TOLLIP: variants seen among roughly 807,000 people sequenced by gnomAD.
TOLLIP encodes toll interacting protein.
In TOLLIP, 16 loss-of-function variants were observed where a neutral mutation model predicts 33.5. The observed-to-expected ratio is 0.48, with a 90% confidence interval of 0.32 to 0.72. The LOEUF (loss-of-function observed/expected upper bound fraction) is 0.72. Among genes scored for constraint, TOLLIP ranks in the 30% least tolerant of loss-of-function variants. TOLLIP has a pLI of 0.03. For synonymous variants in TOLLIP, 176 were observed against 163.7 expected (o/e 1.07, Z -0.57); for missense variants, 325 against 396.6 (o/e 0.82, Z 1.53).
At position 1,309,550 on chromosome 11, in the gene TOLLIP, G is replaced by T. The variant is rs892188125; in HGVS notation, c.-52C>A. 5 of 1,189,084 alleles carry T rather than the reference G, an allele frequency of 4.2e-6. No homozygotes were observed. The highest frequency in any genetic ancestry group is 3.2e-5 in the African/African-American group (2 of 62,206). The allele number at this position is 1,189,084 out of a possible 1,614,324, so 73.7% of individuals were successfully genotyped here. ...CCGACCCGACAGTGACGCGCCGGGC[G>T]ACCTCCTGCGCCCCCGCCGGAGCCT... is the stretch of plus-strand genomic sequence containing the variant. On this transcript the variant is annotated 5_prime_UTR_variant, in exon 1 of 6. Coordinates refer to ENST00000317204, the MANE Select transcript of TOLLIP (RefSeq NM_019009.4).
Position 1,278,797 on chromosome 11 carries a change from A to G in TOLLIP, c.611-1544T>C, listed in dbSNP as rs1482597959. ...GCCAGGTGGGGACGTGGCCACCCTC[A>G]CCACCCTTTCTTCTTCCTCAAACAA... On this transcript the variant is annotated intron_variant, in intron 5 of 5. Transcript: ENST00000317204. The surrounding 1 kb of genome is among the most constrained non-coding windows in gnomAD (Gnocchi z 4.7). 6.6e-6 allele frequency among the ~76,000 whole-genome samples: 1 copy of G among 152,006 alleles called. No individual in the cohort carries two copies. The highest frequency in any genetic ancestry group is 6.5e-5 in the Admixed American group (1 of 15,272).
chr11:1,278,896 C>T lies in TOLLIP; in HGVS notation c.611-1643G>A, dbSNP rs908506410. ...GTGGCTTTTTGGGCGCCCCGGCTGG[C>T]AGGCGGGCAGGAACTTGGCCATCAC... On this transcript the variant is annotated intron_variant, in intron 5 of 5. Coordinates refer to ENST00000317204, the MANE Select transcript of TOLLIP (RefSeq NM_019009.4). The surrounding 1 kb of genome is among the most constrained non-coding windows in gnomAD (Gnocchi z 4.7). Among the ~76,000 whole-genome samples the T allele has an allele frequency of 6.6e-6, 1 of 152,220 alleles. No individual in the cohort carries two copies. Among genetic ancestry groups the T allele is most frequent in the Non-Finnish European group, 1.5e-5 (1 of 68,044 alleles).
rs533675050 is a variant in TOLLIP at position 1,278,203 on chromosome 11, T to C, written c.611-950A>G. Among the ~76,000 whole-genome samples the C allele has an allele frequency of 1.3e-5, 2 of 149,946 alleles. No homozygotes were observed. The highest frequency in any genetic ancestry group is 3.0e-5 in the Non-Finnish European group (2 of 67,640). On this transcript the variant is annotated intron_variant, in intron 5 of 5. Transcript: ENST00000317204. This position sits in a 1 kb window ranked among gnomAD's most constrained non-coding sequence, Gnocchi z 4.7. ...AGCGTGCGCGGGGCTCAGCGACCAG[T>C]GAGGCACAGAGCACAGGCAGCGTGC... is the stretch of plus-strand genomic sequence containing the variant.
chr11:1,283,472 G>A lies in TOLLIP; in HGVS notation c.610+2530C>T, dbSNP rs1265731238. On this transcript the variant is annotated intron_variant, in intron 5 of 5. Transcript: ENST00000317204. The stretch of plus-strand genomic sequence containing the variant: ...CCTGCTTATTGGAAACGCATGCCTG[G>A]GCATGGGGGCTGGGGGCTCCGGTGG... 3 of 390,472 alleles carry A rather than the reference G, an allele frequency of 7.7e-6. No homozygotes were observed. In the East Asian group the frequency reaches 2.2e-4, roughly 28 times the overall value. 24.2% of individuals were successfully genotyped at this position (390,472 alleles called of 1,614,324 possible). A position where few individuals can be genotyped will look rare whatever the true frequency, so the allele number is the denominator to read the frequency against.
chr11:1,283,793 C>A (rs948805538), intron 5 of TOLLIP, among the ~76,000 whole-genome samples: 2 of 152,214 alleles, frequency 1.3e-5, no homozygotes, highest in Non-Finnish European at 2.9e-5. Context: ...ACTGCACCCC[C>A]CAAAAAGACA....
intron 1 of TOLLIP, among the ~76,000 whole-genome samples, chr11:1,307,430 C>T (rs1282831846): frequency 2.0e-5 from 3 of 152,230 alleles, no homozygotes; most frequent in Admixed American, 6.5e-5. Flanking sequence ...CAGCGCTGCA[C>T]GCCGGTGCCC....
At chr11:1,279,023 G>A (rs1054229140) in intron 5 of TOLLIP, among the ~76,000 whole-genome samples, 3 of 152,200 alleles carry the variant, frequency 2.0e-5, no homozygotes. Flanking sequence ...GTGGCAACAT[G>A]AGGAACGGAG....
chr11:1,279,054 C>T (rs1863402548), intron 5 of TOLLIP, among the ~76,000 whole-genome samples: 1 of 152,256 alleles, frequency 6.6e-6, no homozygotes, highest in Non-Finnish European at 1.5e-5. Context: ...CCCACTCTCT[C>T]CAGCCTTTAC....
intron 1 of TOLLIP, among the ~76,000 whole-genome samples, chr11:1,299,342 C>G (rs555717418): frequency 6.6e-6 from 1 of 152,180 alleles, no homozygotes; most frequent in Admixed American, 6.5e-5. Flanking sequence ...GCAATGCCCT[C>G]GTTTCTCAAC....
rs539590395 is a variant in TOLLIP at position 1,302,591 on chromosome 11, T to C, written c.34-6797A>G. ...CAAAAGCTGGACCAGTACCTGACCC[T>C]GCAGCCCCTGGCACTCCAGCCAGCC... On this transcript the variant is annotated intron_variant, in intron 1 of 5. Coordinates refer to ENST00000317204, the MANE Select transcript of TOLLIP (RefSeq NM_019009.4). 6 of 986,818 alleles carry C rather than the reference T, an allele frequency of 6.1e-6. No homozygotes were observed. The South Asian group carries it at 1.9e-4, about 31-fold the overall frequency. 61.1% of individuals were successfully genotyped at this position (986,818 alleles called of 1,614,324 possible).
In TOLLIP at chr11:1,274,411, T is replaced by C. The variant is rs1341967189; in HGVS notation, c.*2628A>G. On this transcript the variant is annotated 3_prime_UTR_variant, in exon 6 of 6. Coordinates refer to ENST00000317204, the MANE Select transcript of TOLLIP (RefSeq NM_019009.4). ...AGGACTTTATTTCTCTATTTTTATA[T>C]GGATCATTTATTAAATTAGAAGACT... 6.6e-6 allele frequency: 1 copy of C among 152,242 alleles called. No homozygotes were observed. Among genetic ancestry groups the C allele is most frequent in the Non-Finnish European group, 1.5e-5 (1 of 68,040 alleles). 9.4% of individuals were successfully genotyped at this position (152,242 alleles called of 1,614,324 possible).
At chr11:1,306,103 GA>G (rs887101998) in intron 1 of TOLLIP, 3 of 152,160 alleles carry the variant, frequency 2.0e-5, no homozygotes, top group African/African-American at 7.2e-5. Flanking sequence ...AGACTATATT[GA>G]AAAAAGGTTA....
chr11:1,309,342 C>A, intron 1 of TOLLIP, 124 bp downstream of exon 1: 1 of 505,668 alleles, frequency 2.0e-6, no homozygotes, highest in Non-Finnish European at 2.9e-6. Flanking sequence ...GCCAGGCGCC[C>A]CGCGTGCCCC....
rs1156320340 is a variant in TOLLIP at position 1,276,913 on chromosome 11, A to C, written c.*126T>G. On this transcript the variant is annotated 3_prime_UTR_variant, in exon 6 of 6. Coordinates refer to ENST00000317204, the MANE Select transcript of TOLLIP (RefSeq NM_019009.4). ...AGAACAGGTGTGGACGGGGCGGCAC[A>C]GAAGTCCACGGGAGGGGGCGACACG... 1 of 1,569,310 alleles carries C rather than the reference A, an allele frequency of 6.4e-7. No individual in the cohort carries two copies. The highest frequency in any genetic ancestry group is 8.6e-7 in the Non-Finnish European group (1 of 1,159,016).
chr11:1,307,570 C>T (rs1864452025), intron 1 of TOLLIP, among the ~76,000 whole-genome samples: 1 of 152,238 alleles, frequency 6.6e-6, no homozygotes, highest in Admixed American at 6.5e-5. Context: ...GGATGTCTCC[C>T]AGACCACACA....
chr11:1,284,866 C>A (rs1223177420), intron 5 of TOLLIP, among the ~76,000 whole-genome samples: 1 of 151,454 alleles, frequency 6.6e-6, no homozygotes, highest in African/African-American at 2.4e-5. Flanking sequence ...CCCAGAGTCT[C>A]CCAGTGCCGT....
At position 1,277,200 on chromosome 11, in the gene TOLLIP, C is replaced by A. The variant is rs5744015; in HGVS notation, c.664G>T (p.Ala222Ser). The A allele has an allele frequency of 0.047, 75,128 of 1,597,364 alleles. 2,105 individuals are homozygous for A. The highest frequency in any genetic ancestry group is 0.083 in the South Asian group (7,453 of 90,144). Reference protein sequence around the residue: ...GMVPVALPPAAVNAQPRCSEE... With the variant: ...GMVPVALPPASVNAQPRCSEE... Reference sequence around the variant, plus strand: ...CTACAGCGGGGCTGGGCGTTCACGGCGGCCGGGGGCAGGGCCACGGGCACC... The same window carrying A: ...CTACAGCGGGGCTGGGCGTTCACGGAGGCCGGGGGCAGGGCCACGGGCACC... Residue 222 changes from alanine (A) to serine (S), a missense_variant, in exon 6 of 6, where the codon GCC becomes TCC. By Grantham distance (99) the Ala-to-Ser change is moderately conservative. Transcript: ENST00000317204. This position sits in a 1 kb window ranked among gnomAD's most constrained non-coding sequence, Gnocchi z 4.2.
At chr11:1,283,719 T>C in intron 5 of TOLLIP, 1 of 384,200 alleles carries the variant, frequency 2.6e-6, no homozygotes, top group Non-Finnish European at 5.2e-6. Context: ...AGCCAATCAA[T>C]GTTATCTGTC....
intron 1 of TOLLIP, among the ~76,000 whole-genome samples, chr11:1,304,189 G>A (rs1452951342): frequency 1.3e-5 from 2 of 152,178 alleles, no homozygotes; most frequent in Non-Finnish European, 2.9e-5. Flanking sequence ...CAGGAGCCAG[G>A]AGAGGGCGGG....
Sources: gnomAD v4.1 joint callset for allele counts (sites outside exome capture counted in the v4.1 genomes callset) on GRCh38, gnomAD v4.1.1 for gene constraint, Gnocchi (gnomAD v3.1) non-coding constraint, MANE v1.5 for transcripts, NCBI Gene and HGNC (gene_info 2026-07-23, HGNC 2026-07-21) for gene names.